Variants in EDIL3 observed in about 807,000 individuals in gnomAD.
The protein encoded by EDIL3 is EGF like and discoidin domains 3, also known as EGF-like repeat and discoidin I-like domain-containing protein 3.
Under a neutral mutation model 67.4 loss-of-function variants are expected in EDIL3, and 37 were observed. That is an observed-to-expected ratio of 0.55 (90% CI 0.42 to 0.72). The LOEUF is 0.72. Ranked by LOEUF, EDIL3 falls within the 30% of genes least tolerant of loss-of-function variation. EDIL3 has a pLI of 0.00. For synonymous variants in EDIL3, 195 were observed against 196.3 expected (o/e 0.99, Z 0.05); for missense variants, 527 against 586.3 (o/e 0.90, Z 1.04).
At chr5:84,021,688 A>C (rs1580283630) in intron 9 of EDIL3, among the ~76,000 whole-genome samples, 1 of 152,042 alleles carries the variant, frequency 6.6e-6, no homozygotes, top group East Asian at 1.9e-4. Flanking sequence ...GTTGGCTAAA[A>C]TGTTCTGTAA....
intron 9 of EDIL3, among the ~76,000 whole-genome samples, chr5:83,966,197 C>T (rs1744687931): frequency 6.6e-6 from 1 of 152,052 alleles, no homozygotes; most frequent in Non-Finnish European, 1.5e-5. Flanking sequence ...TAAAATAGGG[C>T]AGACTATTTA....
At chr5:84,068,392 T>C (rs1206838420) in intron 6 of EDIL3, among the ~76,000 whole-genome samples, 1 of 152,202 alleles carries the variant, frequency 6.6e-6, no homozygotes, top group Non-Finnish European at 1.5e-5. Context: ...TTTTATCTCA[T>C]TTCAATTATC....
At chr5:84,148,897 C>T (rs1300644272) in intron 4 of EDIL3, among the ~76,000 whole-genome samples, 2 of 150,660 alleles carry the variant, frequency 1.3e-5, no homozygotes, top group Non-Finnish European at 2.9e-5. Flanking sequence ...GAGAACTCTG[C>T]TTCTGGCCTA....
intron 6 of EDIL3, among the ~76,000 whole-genome samples, chr5:84,083,720 C>A (rs1747018405): frequency 6.6e-6 from 1 of 152,000 alleles, no homozygotes; most frequent in African/African-American, 2.4e-5. Context: ...CATCTTTAAG[C>A]CTTTGGTTGT....
chr5:84,187,656 C>T (rs931818100), intron 3 of EDIL3, among the ~76,000 whole-genome samples: 4 of 151,972 alleles, frequency 2.6e-5, no homozygotes, highest in East Asian at 3.9e-4. Context: ...AAGAACATAT[C>T]GAAGTTATCT....
At chr5:83,988,654 ACCT>A (rs1745096499) in intron 9 of EDIL3, among the ~76,000 whole-genome samples, 1 of 152,038 alleles carries the variant, frequency 6.6e-6, no homozygotes, top group Non-Finnish European at 1.5e-5. Flanking sequence ...ACTGCCCCTG[ACCT>A]CCTTATACAA....
At chr5:84,158,454 T>G (rs980121281) in intron 4 of EDIL3, among the ~76,000 whole-genome samples, 1 of 152,026 alleles carries the variant, frequency 6.6e-6, no homozygotes, top group Non-Finnish European at 1.5e-5. Context: ...AGACATGCCC[T>G]GAATTATCCT....
At chr5:83,949,455 G>T (rs1029358059) in intron 10 of EDIL3, among the ~76,000 whole-genome samples, 1 of 151,858 alleles carries the variant, frequency 6.6e-6, no homozygotes, top group Non-Finnish European at 1.5e-5. Flanking sequence ...GATCAAATGC[G>T]AAGAGGACTT....
chr5:84,325,391 C>A (rs577804643), intron 1 of EDIL3, among the ~76,000 whole-genome samples: 1 of 151,914 alleles, frequency 6.6e-6, no homozygotes, highest in East Asian at 1.9e-4. Flanking sequence ...CAATGCTCAA[C>A]AATGCTACTC....
At chr5:83,988,167 A>C (rs534109909) in intron 9 of EDIL3, among the ~76,000 whole-genome samples, 24 of 152,208 alleles carry the variant, frequency 1.6e-4, no homozygotes, top group African/African-American at 5.5e-4. Context: ...GTAACTTGAC[A>C]GCATTAAGGC....
At chr5:84,029,454 C>T (rs1028625384) in intron 9 of EDIL3, among the ~76,000 whole-genome samples, 21 of 152,088 alleles carry the variant, frequency 1.4e-4, no homozygotes, top group Non-Finnish European at 2.2e-4. Context: ...TTGAGTATGT[C>T]TTTATCAGCA....
At chr5:84,263,920 G>A (rs1745290186) in intron 1 of EDIL3, among the ~76,000 whole-genome samples, 1 of 152,140 alleles carries the variant, frequency 6.6e-6, no homozygotes, top group African/African-American at 2.4e-5. Context: ...GATGTACCAG[G>A]AAGTTTGAGC....
At chr5:83,966,309 A>G (rs1307344205) in intron 9 of EDIL3, among the ~76,000 whole-genome samples, 1 of 152,102 alleles carries the variant, frequency 6.6e-6, no homozygotes, top group Non-Finnish European at 1.5e-5. Context: ...CAGGTGCTCA[A>G]CAAACGTTTT....
rs187398246 is a variant in EDIL3 at position 84,080,208 on chromosome 5, A to G, written c.652-13602T>C. On this transcript the variant is annotated intron_variant, in intron 6 of 10. Transcript: ENST00000296591. ...CTACTCGGTGGGCTGAGGCAGGAGA[A>G]TGGCGTGAACCTGGGAGGCGGAGCT... is the stretch of plus-strand genomic sequence containing the variant. 2.7e-3 allele frequency among the ~76,000 whole-genome samples: 389 copies of G among 143,128 alleles called. 1 individual carries two copies. Among genetic ancestry groups the G allele is most frequent in the African/African-American group, 9.6e-3 (374 of 38,974 alleles). The allele number at this position is 143,128 out of a possible 152,430, so 93.9% of individuals were successfully genotyped here. A position where few individuals can be genotyped will look rare whatever the true frequency, so the allele number is the denominator to read the frequency against.
Position 84,176,200 on chromosome 5 carries a change from T to TATATATATATATATATATATATATA in EDIL3, c.355+4168_355+4192dup, listed in dbSNP as rs1345560361. Among the ~76,000 whole-genome samples, 45 of 4,722 alleles carry TATATATATATATATATATATATATA rather than the reference T, an allele frequency of 9.5e-3. No individual in the cohort carries two copies. In the East Asian group the frequency reaches 0.23, roughly 24 times the overall value. The allele number at this position is 4,722 out of a possible 152,430, so 3.1% of individuals were successfully genotyped here. ...GTAAAAAATATATATATATATATAATATATATATATATATATATATATATA... is the reference window on the plus strand; with the variant it reads ...GTAAAAAATATATATATATATATAATATATATATATATATATATATATATAATATATATATATATATATATATATA... On this transcript the variant is annotated intron_variant, in intron 4 of 10. Transcript: ENST00000296591.
chr5:83,949,020 T>G lies in EDIL3; in HGVS notation c.1294-5452A>C, dbSNP rs1378859750. ...ATTTCAATATTCTAAGAAATGTTTC[T>G]TTGGAAAATAGTGATATTGAGAATT... is the stretch of plus-strand genomic sequence containing the variant. On this transcript the variant is annotated intron_variant, in intron 10 of 10. Coordinates refer to ENST00000296591, the MANE Select transcript of EDIL3 (RefSeq NM_005711.5). Among the ~76,000 whole-genome samples, 5 of 151,992 alleles carry G rather than the reference T, an allele frequency of 3.3e-5. No homozygotes were observed. The South Asian group carries it at 8.3e-4, about 25-fold the overall frequency.
At chr5:84,107,770 T>C (rs1004125521) in intron 5 of EDIL3, among the ~76,000 whole-genome samples, 5 of 150,050 alleles carry the variant, frequency 3.3e-5, no homozygotes, top group Non-Finnish European at 7.4e-5. Flanking sequence ...TATATAAAAT[T>C]ATATATAAAT....
intron 9 of EDIL3, among the ~76,000 whole-genome samples, chr5:83,975,239 T>G (rs972863347): frequency 3.3e-5 from 5 of 152,008 alleles, no homozygotes; most frequent in Non-Finnish European, 7.4e-5. Context: ...TATATGCCTC[T>G]CTCAGAAATT....
At position 84,254,111 on chromosome 5, in the gene EDIL3, G is replaced by A; in HGVS notation, c.169C>T (p.Pro57Ser). Residue 57 changes from proline to serine, a missense_variant, in exon 2 of 11, where the codon CCC becomes TCC. Pro to Ser is a moderately conservative substitution (Grantham distance 74). This residue lies in a region of EDIL3 where 494 missense variants were observed against 522.5 expected (regional missense o/e 0.95). Transcript: ENST00000296591. ...SCECPDGFTD[P>S]NCSSVVEVAS... ...ACCTCCACAACACTAGAACAGTTGGGGTCTGTGAAGCCATCTGGACACTCA... is the reference window on the plus strand; with the variant it reads ...ACCTCCACAACACTAGAACAGTTGGAGTCTGTGAAGCCATCTGGACACTCA... 1.9e-6 allele frequency: 3 copies of A among 1,611,246 alleles called. No individual in the cohort carries two copies. Among genetic ancestry groups the A allele is most frequent in the African/African-American group, 1.3e-5 (1 of 74,890 alleles).
Sources: allele counts gnomAD v4.1 joint callset (sites outside exome capture counted in the v4.1 genomes callset), GRCh38; gene constraint gnomAD v4.1.1; regional missense constraint gnomAD v4.1.1; transcripts MANE v1.5; gene names NCBI Gene and HGNC (gene_info 2026-07-23, HGNC 2026-07-21).